The following PRKAR1A variants were observed in gnomAD, a reference collection of about 807,000 sequenced individuals.
PRKAR1A encodes the protein protein kinase cAMP-dependent type I regulatory subunit alpha.
Under a neutral mutation model 52.0 loss-of-function variants are expected in PRKAR1A, and 3 were observed. The observed-to-expected ratio is 0.06, with a 90% CI of 0.03 to 0.15. The LOEUF (loss-of-function observed/expected upper bound fraction) is 0.15, where lower values mean the gene tolerates loss of function less well. Among genes scored for constraint, PRKAR1A ranks in the 10% least tolerant of loss-of-function variants. The pLI, the probability that PRKAR1A is intolerant of heterozygous loss-of-function variation, is 1.00. For missense variants in PRKAR1A, 240 were observed against 477.4 expected, an observed-to-expected ratio of 0.50 and a Z score of 4.63; for synonymous variants, 188 against 168.4, an observed-to-expected ratio of 1.12 and a Z score of -0.90.
At chr17:68,521,974 T>G (rs1325914760) in intron 2 of PRKAR1A, among the ~76,000 whole-genome samples, 1 of 152,254 alleles carries the variant, frequency 6.6e-6, no homozygotes, top group Non-Finnish European at 1.5e-5. Flanking sequence ...ATCTTAGGTT[T>G]TATTTGAATT....
chr17:68,435,699 G>A, the PRKAR1A span: 1 of 1,614,226 alleles, frequency 6.2e-7, no homozygotes, highest in Non-Finnish European at 8.5e-7. Context: ...GGCAGCAATA[G>A]TGCAGACTGT....
the PRKAR1A span, among the ~76,000 whole-genome samples, chr17:68,414,931 G>T: frequency 6.6e-6 from 1 of 151,852 alleles, no homozygotes; most frequent in Non-Finnish European, 1.5e-5. Flanking sequence ...TTCTTTTCTT[G>T]GTTAATCTTG....
chr17:68,486,523 T>TCCTTCCC, the PRKAR1A span, among the ~76,000 whole-genome samples: 323 of 100,188 alleles, frequency 3.2e-3, 2 homozygotes, highest in Non-Finnish European at 4.7e-3. Flanking sequence ...CTTTCTTTCT[T>TCCTTCCC]TCTTTCTTTC....
At chr17:68,469,415 CT>C in the PRKAR1A span, among the ~76,000 whole-genome samples, 1 of 152,026 alleles carries the variant, frequency 6.6e-6, no homozygotes, top group Admixed American at 6.6e-5. Flanking sequence ...TTGTTGATTT[CT>C]TGGTTTACAT....
At chr17:68,414,527 G>C in the PRKAR1A span, among the ~76,000 whole-genome samples, 4 of 152,190 alleles carry the variant, frequency 2.6e-5, no homozygotes, top group East Asian at 7.7e-4. Flanking sequence ...GTAGTATTAG[G>C]GTGATTCTGG....
At chr17:68,485,784 G>A in the PRKAR1A span, among the ~76,000 whole-genome samples, 1 of 152,112 alleles carries the variant, frequency 6.6e-6, no homozygotes, top group Non-Finnish European at 1.5e-5. Flanking sequence ...TGTTGCCCAG[G>A]CTGGAGTGCA....
the PRKAR1A span, among the ~76,000 whole-genome samples, chr17:68,470,019 C>G: frequency 6.6e-6 from 1 of 151,884 alleles, no homozygotes; most frequent in African/African-American, 2.4e-5. Flanking sequence ...CATCATGTAG[C>G]CTTTGAAAAA....
chr17:68,433,772 T>TGTTG, the PRKAR1A span, among the ~76,000 whole-genome samples: 1 of 20,022 alleles, frequency 5.0e-5, no homozygotes, highest in African/African-American at 1.3e-4. Flanking sequence ...TTTTTTTTTT[T>TGTTG]TTTTTTTTTT....
chr17:68,523,635 T>C (rs988227835), intron 3 of PRKAR1A, 90 bp from the exon 4 acceptor site: 57 of 969,484 alleles, frequency 5.9e-5, no homozygotes, highest in Non-Finnish European at 4.2e-5. Flanking sequence ...AATACCATAA[T>C]GTGGCTTGAC....
Position 68,523,631 on chromosome 17 carries a change from A to G in PRKAR1A, c.349-94A>G, listed in dbSNP as rs563345070. On this transcript the variant is annotated intron_variant, in intron 3 of 10. Transcript: ENST00000589228. ...TACAAAGCAGTCTTGTTTAAATACC[A>G]TAATGTGGCTTGACATTTAATTGAA... The G allele has an allele frequency of 2.0e-4, 186 of 942,846 alleles. 1 individual carries two copies. The South Asian group carries it at 2.3e-3, about 12-fold the overall frequency. 58.4% of individuals were successfully genotyped at this position (942,846 alleles called of 1,614,324 possible).
chr17:68,440,078 AC>A, the PRKAR1A span, among the ~76,000 whole-genome samples: 2 of 152,218 alleles, frequency 1.3e-5, no homozygotes, highest in Non-Finnish European at 2.9e-5. Context: ...CTAGATGCTA[AC>A]AAGAAAGGGA....
upstream of PRKAR1A, among the ~76,000 whole-genome samples, chr17:68,508,108 G>T (rs1003137027): frequency 2.0e-5 from 3 of 152,172 alleles, no homozygotes; most frequent in Non-Finnish European, 4.4e-5. Flanking sequence ...AAGGAGTTCT[G>T]CCTTGGACTT....
At chr17:68,451,883 C>CT in the PRKAR1A span, among the ~76,000 whole-genome samples, 3 of 152,234 alleles carry the variant, frequency 2.0e-5, no homozygotes, top group Non-Finnish European at 4.4e-5. Flanking sequence ...TGAGCACATT[C>CT]TTTTCATATG....
the PRKAR1A span, among the ~76,000 whole-genome samples, chr17:68,476,881 CGATCTCTT>C: frequency 6.6e-6 from 1 of 151,964 alleles, no homozygotes; most frequent in African/African-American, 2.4e-5. Context: ...AGGGTGGTCT[CGATCTCTT>C]GATCTTGTGA....
At chr17:68,464,952 G>A in the PRKAR1A span, among the ~76,000 whole-genome samples, 1 of 148,880 alleles carries the variant, frequency 6.7e-6, no homozygotes, top group Non-Finnish European at 1.5e-5. Flanking sequence ...TTTAGACGGA[G>A]TCTTGCTCTG....
the PRKAR1A span, chr17:68,450,661 A>ACG: frequency 2.6e-6 from 4 of 1,528,642 alleles, no homozygotes; most frequent in Non-Finnish European, 2.6e-6. Flanking sequence ...ATCTTGAAAG[A>ACG]TGTCCATCTT....
chr17:68,524,765 C>G (rs892204432), intron 5 of PRKAR1A, 147 bp from the exon 6 acceptor site: 1 of 694,918 alleles, frequency 1.4e-6, no homozygotes, highest in African/African-American at 1.8e-5. Context: ...AAATATGTTG[C>G]TTGATTTTCT....
downstream of PRKAR1A, chr17:68,537,386 A>T: frequency 6.6e-7 from 1 of 1,505,280 alleles, no homozygotes; most frequent in Non-Finnish European, 9.2e-7. This position sits in a 1 kb window ranked among gnomAD's most constrained non-coding sequence, Gnocchi z 4.2. Flanking sequence ...GACTCCCAGC[A>T]GTAACAGGTG....
the PRKAR1A span, among the ~76,000 whole-genome samples, chr17:68,464,508 C>T: frequency 6.6e-6 from 1 of 152,210 alleles, no homozygotes; most frequent in East Asian, 1.9e-4. Context: ...CGGTGAAACC[C>T]CGTCTCTACT....
Sources: allele counts gnomAD v4.1 joint callset (sites outside exome capture counted in the v4.1 genomes callset), GRCh38; gene constraint gnomAD v4.1.1; non-coding constraint Gnocchi (gnomAD v3.1); transcripts MANE v1.5; gene names NCBI Gene and HGNC (gene_info 2026-07-23, HGNC 2026-07-21).